Variants in TMEM163 observed in about 807,000 individuals in gnomAD.
The protein encoded by TMEM163 is transmembrane protein 163.
A neutral mutation model predicts 29.3 loss-of-function variants in TMEM163; 17 were observed. The observed-to-expected ratio is 0.58, with a 90% CI of 0.40 to 0.87. TMEM163 has a LOEUF of 0.87. Among genes scored for constraint, TMEM163 ranks in the 40% least tolerant of loss-of-function variants. The pLI, the probability that TMEM163 is intolerant of heterozygous loss-of-function variation, is 0.00. For synonymous variants in TMEM163, 157 were observed against 160.6 expected (o/e 0.98, Z 0.17); for missense variants, 303 against 381.5 (o/e 0.79, Z 1.71).
intron 3 of TMEM163, among the ~76,000 whole-genome samples, chr2:134,551,046 G>A (rs1242811386): frequency 6.6e-6 from 1 of 152,190 alleles, no homozygotes; most frequent in Non-Finnish European, 1.5e-5. Flanking sequence ...CTCTCAACGG[G>A]ACTATTCTAT....
At chr2:134,619,324 C>G (rs953498673) in intron 2 of TMEM163, among the ~76,000 whole-genome samples, 1 of 152,296 alleles carries the variant, frequency 6.6e-6, no homozygotes, top group East Asian at 1.9e-4. Context: ...AAACCAATGT[C>G]CTTTATGAAT....
At chr2:134,678,505 T>C (rs1684166555) in intron 2 of TMEM163, among the ~76,000 whole-genome samples, 1 of 152,236 alleles carries the variant, frequency 6.6e-6, no homozygotes, top group Non-Finnish European at 1.5e-5. Context: ...CCAGTTTACA[T>C]ATAAATCCTC....
At chr2:134,579,527 C>T (rs531945572) in intron 2 of TMEM163, among the ~76,000 whole-genome samples, 15 of 152,324 alleles carry the variant, frequency 9.8e-5, no homozygotes, top group East Asian at 9.7e-4. Context: ...GATTCACCTA[C>T]GTCCTGAATG....
rs1683947545 is a variant in TMEM163, at chr2:134,669,679, T to C, written c.322+43521A>G. On this transcript the variant is annotated intron_variant, in intron 2 of 7. Transcript: ENST00000281924. ...TGCAACTTCTTTGACCAAGAGAGAATGTGGCAAAAGTGATGCAGCACACCT... is the reference window on the plus strand; with the variant it reads ...TGCAACTTCTTTGACCAAGAGAGAACGTGGCAAAAGTGATGCAGCACACCT... Among the ~76,000 whole-genome samples, 3 of 152,172 alleles carry C rather than the reference T, an allele frequency of 2.0e-5. No homozygotes were observed. The South Asian group carries it at 6.2e-4, about 32-fold the overall frequency.
In TMEM163 at chr2:134,502,816, C is replaced by T. The variant is rs1326148905; in HGVS notation, c.555+85G>A. ...GTCTGTTCCCTCTCAACATGCCCGA[C>T]TCCACCCGGGAACCCTGCGATAAGA... On this transcript the variant is annotated intron_variant, in intron 5 of 7. Coordinates refer to ENST00000281924, the MANE Select transcript of TMEM163 (RefSeq NM_030923.5). 3 of 1,187,708 alleles carry T rather than the reference C, an allele frequency of 2.5e-6. 1 individual carries two copies. Among genetic ancestry groups the T allele is most frequent in the East Asian group, 5.0e-5 (2 of 40,224 alleles). The allele number at this position is 1,187,708 out of a possible 1,614,324, so 73.6% of individuals were successfully genotyped here.
At chr2:134,618,092 TAACAGAGTGAGA>T (rs1466910941) in intron 2 of TMEM163, among the ~76,000 whole-genome samples, 1 of 151,886 alleles carries the variant, frequency 6.6e-6, no homozygotes, top group East Asian at 1.9e-4. Flanking sequence ...CCAGCCTGGG[TAACAGAGTGAGA>T]CCCTGACTCA....
At chr2:134,457,339 C>T (rs1442024545) in intron 7 of TMEM163, among the ~76,000 whole-genome samples, 6 of 152,210 alleles carry the variant, frequency 3.9e-5, no homozygotes, top group South Asian at 2.1e-4. Context: ...GGTAACTCTG[C>T]GTCCATGGCA....
chr2:134,718,748 C>T lies in TMEM163; in HGVS notation c.188G>A (p.Gly63Glu), dbSNP rs1685095769. The change falls in exon 1 of 8, where the codon GGG (glycine) becomes GAG (glutamate). Residue 63 changes from glycine to glutamate, a missense_variant. Transcript: ENST00000281924. ...RISESGQFSD[G>E]LEDRGLLESS... ...CTCGCGCTCACCTCGGTCCTCCAGC[C>T]CGTCGCTGAACTGGCCGCTCTCGCT... The T allele has an allele frequency of 8.6e-7, 1 of 1,156,334 alleles. No homozygotes were observed. The highest frequency in any genetic ancestry group is 4.1e-5 in the South Asian group (1 of 24,610). The allele number at this position is 1,156,334 out of a possible 1,614,324, so 71.6% of individuals were successfully genotyped here. A position where few individuals can be genotyped will look rare whatever the true frequency, so the allele number is the denominator to read the frequency against.
chr2:134,526,788 T>C (rs188514549), intron 4 of TMEM163, among the ~76,000 whole-genome samples: 5 of 152,368 alleles, frequency 3.3e-5, no homozygotes, highest in Admixed American at 1.3e-4. Context: ...AAAAGTTCCA[T>C]GTCTGCTTTT....
chr2:134,716,648 C>T (rs1283072485), intron 1 of TMEM163, among the ~76,000 whole-genome samples: 2 of 152,180 alleles, frequency 1.3e-5, no homozygotes, highest in East Asian at 1.9e-4. Flanking sequence ...TCCCCAATTC[C>T]TCTCACCAGC....
chr2:134,713,252 C>G lies in TMEM163; in HGVS notation c.270G>C (p.Trp90Cys). 6.2e-7 allele frequency: 1 copy of G among 1,614,090 alleles called. No individual in the cohort carries two copies. The highest frequency in any genetic ancestry group is 8.5e-7 in the Non-Finnish European group (1 of 1,179,998). Reference sequence around the variant, plus strand: ...TGACAATGATGGAGAACCAGGACACCCACAATGCCTTCTTCCTGTAGTTCT... The same window carrying G: ...TGACAATGATGGAGAACCAGGACACGCACAATGCCTTCTTCCTGTAGTTCT... Reference protein sequence around the residue: ...EAQNYRKKALWVSWFSIIVTL... With the variant: ...EAQNYRKKALCVSWFSIIVTL... Residue 90 changes from tryptophan (W) to cysteine (C), a missense_variant, in exon 2 of 8, where the codon TGG (tryptophan) becomes TGC (cysteine). Physicochemically the swap from Trp to Cys is radical, Grantham distance 215. Around this residue, in one of 2 missense-constraint regions of TMEM163, gnomAD observed 203 missense variants for 294.3 expected, o/e 0.69. Transcript: ENST00000281924.
Position 134,526,454 on chromosome 2 carries a change from G to A in TMEM163, c.459-23457C>T, listed in dbSNP as rs569399369. Among the ~76,000 whole-genome samples, 3 of 152,074 alleles carry A rather than the reference G, an allele frequency of 2.0e-5. No homozygotes were observed. The South Asian group carries it at 6.2e-4, about 32-fold the overall frequency. On this transcript the variant is annotated intron_variant, in intron 4 of 7. Coordinates refer to ENST00000281924, the MANE Select transcript of TMEM163 (RefSeq NM_030923.5). ...AATTATCCCTAGACCCCCATAAATC[G>A]GAGAAGGTTTCACAGAAAAACCTAC... is the stretch of plus-strand genomic sequence containing the variant.
chr2:134,611,438 A>C (rs72986204), intron 2 of TMEM163, among the ~76,000 whole-genome samples: 2,129 of 152,350 alleles, frequency 0.014, 43 homozygotes, highest in African/African-American at 0.048. Flanking sequence ...AGCTATTTCT[A>C]TGGAGTACAG....
intron 2 of TMEM163, among the ~76,000 whole-genome samples, chr2:134,561,195 TTTATTA>T (rs921369801): frequency 6.6e-5 from 10 of 152,118 alleles, no homozygotes; most frequent in Non-Finnish European, 1.2e-4. Flanking sequence ...GCAAAGTTCT[TTTATTA>T]TTATTATTTT....
At chr2:134,505,224 T>C in intron 4 of TMEM163, among the ~76,000 whole-genome samples, 1 of 145,972 alleles carries the variant, frequency 6.9e-6, no homozygotes, top group South Asian at 2.2e-4. Context: ...CACATTGTAC[T>C]CACCTGGGGA....
At chr2:134,469,268 C>G (rs938246178) in intron 5 of TMEM163, 1 of 152,116 alleles carries the variant, frequency 6.6e-6, no homozygotes, top group African/African-American at 2.4e-5. Context: ...TCTCGATGGA[C>G]CGGAGGGCCC....
intron 5 of TMEM163, chr2:134,468,626 T>C (rs76038700): frequency 0.047 from 7,149 of 152,334 alleles, 254 homozygotes; most frequent in Middle Eastern, 0.078. Flanking sequence ...GCTTATCCCA[T>C]GATGCCTGAA....
intron 2 of TMEM163, among the ~76,000 whole-genome samples, chr2:134,686,474 T>C (rs1478526276): frequency 6.6e-6 from 1 of 152,188 alleles, no homozygotes; most frequent in East Asian, 1.9e-4. Flanking sequence ...TCGTGAGTTG[T>C]GTTTTCTGTA....
chr2:134,640,028 G>A (rs1683191975), intron 2 of TMEM163, among the ~76,000 whole-genome samples: 1 of 152,212 alleles, frequency 6.6e-6, no homozygotes, highest in East Asian at 1.9e-4. Flanking sequence ...TAAGACTTTG[G>A]TTCTCTTTAC....
Sources: gnomAD v4.1 joint callset for allele counts (sites outside exome capture counted in the v4.1 genomes callset) on GRCh38, gnomAD v4.1.1 for gene constraint, gnomAD v4.1.1 regional missense constraint, MANE v1.5 for transcripts, NCBI Gene and HGNC (gene_info 2026-07-23, HGNC 2026-07-21) for gene names.